Variants in RANBP2 observed in about 807,000 individuals in gnomAD.
RANBP2 encodes RAN binding protein 2.
A neutral mutation model predicts 303.6 loss-of-function variants in RANBP2; 57 were observed. The observed-to-expected ratio is 0.19, with a 90% CI of 0.15 to 0.23. The LOEUF (loss-of-function observed/expected upper bound fraction) is 0.23, where lower values mean the gene tolerates loss of function less well. RANBP2 is among the 10% of genes least tolerant of loss of function. RANBP2 has a pLI of 1.00. For synonymous variants in RANBP2, 1,167 were observed against 1,301.5 expected, an observed-to-expected ratio of 0.90 and a Z score of 2.23; for missense variants, 3,138 against 3,780.8, an observed-to-expected ratio of 0.83 and a Z score of 4.46.
the RANBP2 span, among the ~76,000 whole-genome samples, chr2:109,366,382 G>T: frequency 6.6e-6 from 1 of 152,156 alleles, no homozygotes; most frequent in African/African-American, 2.4e-5. Flanking sequence ...GTCACTAAAT[G>T]ATCTTTAGAC....
At chr2:108,743,863 A>G (rs1397847451) in intron 7 of RANBP2, among the ~76,000 whole-genome samples, 1 of 152,258 alleles carries the variant, frequency 6.6e-6, no homozygotes, top group Non-Finnish European at 1.5e-5. Context: ...ATATTTCTGT[A>G]GAATGAATAT....
the RANBP2 span, among the ~76,000 whole-genome samples, chr2:109,321,675 G>A: frequency 6.6e-6 from 1 of 152,182 alleles, no homozygotes; most frequent in Admixed American, 6.5e-5. Flanking sequence ...TGGCAAAAAT[G>A]AATAAATTTG....
chr2:108,981,534 C>T, the RANBP2 span, among the ~76,000 whole-genome samples: 1 of 152,332 alleles, frequency 6.6e-6, no homozygotes, highest in South Asian at 2.1e-4. Context: ...AACACCTGTC[C>T]AGGATCCGGG....
chr2:109,660,651 T>C, the RANBP2 span, among the ~76,000 whole-genome samples: 2 of 152,210 alleles, frequency 1.3e-5, no homozygotes, highest in Non-Finnish European at 2.9e-5. Context: ...TGGCCTGGTG[T>C]GGCCCAGGGA....
chr2:109,719,007 TAAAAA>T, the RANBP2 span, among the ~76,000 whole-genome samples: 1 of 22,604 alleles, frequency 4.4e-5, no homozygotes, highest in Non-Finnish European at 1.3e-4. Flanking sequence ...AGACTCCATC[TAAAAA>T]AAAAAAAAAA....
chr2:109,411,084 G>A, the RANBP2 span, among the ~76,000 whole-genome samples: 1 of 152,206 alleles, frequency 6.6e-6, no homozygotes, highest in African/African-American at 2.4e-5. Flanking sequence ...GAGGAAGCCA[G>A]GCCTGCGTCC....
In RANBP2 at chr2:108,764,925, A is replaced by T. The variant is rs746426840; in HGVS notation, c.4386A>T (p.Gly1462=). The change falls in exon 20 of 29, where the codon GGA becomes GGT. Residue 1462 remains glycine (G), a synonymous_variant. Coordinates refer to ENST00000283195, the MANE Select transcript of RANBP2 (RefSeq NM_006267.5). Reference sequence around the variant, plus strand: ...AAGCTTCATTTAAATTTGGCCAGGGAGATCTTCCTAAACCTATTAACAGTG... The same window carrying T: ...AAGCTTCATTTAAATTTGGCCAGGGTGATCTTCCTAAACCTATTAACAGTG... ...VHQASFKFGQ[G]DLPKPINSDF... 1.2e-6 allele frequency: 2 copies of T among 1,613,958 alleles called. No individual in the cohort carries two copies. Among genetic ancestry groups the T allele is most frequent in the African/African-American group, 2.7e-5 (2 of 74,906 alleles).
the RANBP2 span, among the ~76,000 whole-genome samples, chr2:109,105,505 C>G: frequency 6.6e-6 from 1 of 152,170 alleles, no homozygotes; most frequent in African/African-American, 2.4e-5. Flanking sequence ...GTTTGACCAC[C>G]TTCCAGGTAT....
the RANBP2 span, among the ~76,000 whole-genome samples, chr2:109,116,823 T>C: frequency 0.53 from 79,829 of 151,486 alleles, 21,950 homozygotes; most frequent in South Asian, 0.62. Flanking sequence ...TGGATGTCTT[T>C]TCTGTTTGTT....
the RANBP2 span, among the ~76,000 whole-genome samples, chr2:109,571,930 T>C: frequency 4.6e-5 from 7 of 152,188 alleles, no homozygotes; most frequent in African/African-American, 1.4e-4. Context: ...TCAAAGGTGG[T>C]TGGGTTGGCC....
At chr2:109,460,162 G>T in the RANBP2 span, among the ~76,000 whole-genome samples, 12 of 152,336 alleles carry the variant, frequency 7.9e-5, no homozygotes, top group East Asian at 2.3e-3. Context: ...AAGCAGTGCT[G>T]TGTGGAATAC....
the RANBP2 span, among the ~76,000 whole-genome samples, chr2:109,563,208 G>A: frequency 4.6e-4 from 70 of 152,148 alleles, no homozygotes; most frequent in African/African-American, 1.6e-3. Context: ...CACCACACCC[G>A]GCCATAAGTA....
chr2:108,933,128 G>A, the RANBP2 span, among the ~76,000 whole-genome samples: 1 of 152,210 alleles, frequency 6.6e-6, no homozygotes, highest in Non-Finnish European at 1.5e-5. Context: ...GTTGTTGGGT[G>A]AGAAAGAAAT....
At chr2:109,567,019 T>A in the RANBP2 span, among the ~76,000 whole-genome samples, 2 of 152,204 alleles carry the variant, frequency 1.3e-5, no homozygotes, top group Non-Finnish European at 2.9e-5. Flanking sequence ...TTAGTCAGTT[T>A]TTTTTTACAG....
the RANBP2 span, among the ~76,000 whole-genome samples, chr2:109,433,433 A>G: frequency 6.6e-6 from 1 of 152,254 alleles, no homozygotes; most frequent in East Asian, 1.9e-4. Context: ...TTGTCTGGGA[A>G]TTTTTCGCTG....
At chr2:109,643,670 C>T in the RANBP2 span, among the ~76,000 whole-genome samples, 1 of 152,084 alleles carries the variant, frequency 6.6e-6, no homozygotes, top group African/African-American at 2.4e-5. Context: ...GAGGCTGAGG[C>T]AGGAGAATCA....
At chr2:108,916,725 G>T in the RANBP2 span, among the ~76,000 whole-genome samples, 4 of 152,140 alleles carry the variant, frequency 2.6e-5, no homozygotes, top group Non-Finnish European at 5.9e-5. Flanking sequence ...GGGCAAGATG[G>T]GTGGGATGGT....
At chr2:109,382,861 C>A in the RANBP2 span, among the ~76,000 whole-genome samples, 2 of 152,206 alleles carry the variant, frequency 1.3e-5, no homozygotes, top group East Asian at 3.9e-4. Flanking sequence ...GATTATGAAC[C>A]CTGCCCCAAT....
the RANBP2 span, among the ~76,000 whole-genome samples, chr2:108,854,861 G>C: frequency 2.0e-5 from 3 of 152,096 alleles, no homozygotes; most frequent in Admixed American, 2.0e-4. Flanking sequence ...AGATTCAAAG[G>C]GTGGGCAGTA....
Sources: gnomAD v4.1 joint callset for allele counts (sites outside exome capture counted in the v4.1 genomes callset) on GRCh38, gnomAD v4.1.1 for gene constraint, MANE v1.5 for transcripts, NCBI Gene and HGNC (gene_info 2026-07-23, HGNC 2026-07-21) for gene names.